ZMAT1: variants seen among roughly 807,000 people sequenced by gnomAD.
ZMAT1 encodes the protein zinc finger matrin-type protein 1.
A neutral mutation model predicts 18.5 loss-of-function variants in ZMAT1; 11 were observed. The ratio of observed to expected loss-of-function variants is 0.59; its 90% CI spans 0.37 to 0.98. ZMAT1 has a LOEUF of 0.98. Among genes scored for constraint, ZMAT1 ranks in the 50% least tolerant of loss-of-function variants. ZMAT1 has a pLI of 0.01. For missense variants in ZMAT1, 525 were observed against 496.2 expected (o/e 1.06, Z -0.55); for synonymous variants, 211 against 176.4 (o/e 1.20, Z -1.55).
At chrX:101,906,593 C>A (rs866830924) in intron 1 of ZMAT1, among the ~76,000 whole-genome samples, 2 of 112,218 alleles carry the variant, frequency 1.8e-5, no homozygotes, top group Non-Finnish European at 3.8e-5. Context: ...CCCACCCAGG[C>A]CAGTTCCAGT....
rs763838173 is a variant in ZMAT1, at chrX:101,929,433, A to ATTCTATATATATAGAT, written c.292+2283_292+2284insATCTATATATATAGAA. ...ATATATAGAGAGAGATTATATATAT[A>ATTCTATATATATAGAT]TATATATATATATATATATATATAC... On this transcript the variant is annotated intron_variant, in intron 1 of 5. Coordinates refer to ENST00000651725, the MANE Select transcript of ZMAT1 (RefSeq NM_001394560.1). Among the ~76,000 whole-genome samples the ATTCTATATATATAGAT allele has an allele frequency of 8.3e-3, 490 of 59,267 alleles. 5 individuals are homozygous for ATTCTATATATATAGAT. Among genetic ancestry groups the ATTCTATATATATAGAT allele is most frequent in the Non-Finnish European group, 0.011 (419 of 38,212 alleles). 51.5% of individuals were successfully genotyped at this position (59,267 alleles called of 115,157 possible).
At position 101,886,711 on chromosome X, in the gene ZMAT1, C is replaced by A. The variant is rs747988870; in HGVS notation, c.697G>T (p.Val233Phe). Residue 233 changes from valine (V) to phenylalanine (F), a missense_variant, in exon 5 of 6, where the codon GTT becomes TTT. Val to Phe is a conservative substitution (Grantham distance 50). Coordinates refer to ENST00000651725, the MANE Select transcript of ZMAT1 (RefSeq NM_001394560.1). Reference sequence around the variant, plus strand: ...AAAGCAATACTACAAATATGGCAAACATAGGTTCTCATACTAAATGCTGAA... The same window carrying A: ...AAAGCAATACTACAAATATGGCAAAAATAGGTTCTCATACTAAATGCTGAA... Reference protein sequence around the residue: ...PEMAFSMRTYVCHICSIAFTS... With the variant: ...PEMAFSMRTYFCHICSIAFTS... 3 of 1,189,692 alleles carry A rather than the reference C, an allele frequency of 2.5e-6. No homozygotes were observed. In the African/African-American group the frequency reaches 5.3e-5, roughly 21 times the overall value.
At position 101,886,662 on chromosome X, in the gene ZMAT1, G is replaced by A; in HGVS notation, c.746C>T (p.Ser249Phe). 8.3e-7 allele frequency: 1 copy of A among 1,206,048 alleles called. No homozygotes were observed. The highest frequency in any genetic ancestry group is 1.7e-5 in the African/African-American group (1 of 57,473). The change falls in exon 5 of 6, where the codon TCC becomes TTC. Residue 249 changes from serine (S) to phenylalanine (F), a missense_variant. Ser to Phe is a radical substitution (Grantham distance 155, BLOSUM62 -2). Transcript: ENST00000651725. ...TTGATGTTCACTTCCTTGCATGTGG[G>A]ACCGGAACATATCTAAAGATGTAAA... The part of the protein sequence containing the change: ...IAFTSLDMFR[S>F]HMQGSEHQIK...
At chrX:101,901,093 G>C (rs952602210) in intron 2 of ZMAT1, among the ~76,000 whole-genome samples, 17 of 110,963 alleles carry the variant, frequency 1.5e-4, no homozygotes, top group Admixed American at 1.4e-3. Context: ...TTGGGTTCTT[G>C]ATTTGATTCT....
rs376166525 is a variant in ZMAT1, at chrX:101,895,365, T to A, written c.676+2503A>T. ...TAACATGAAACCATGAGAATTCCTATGTTTGATTCTAAAATTAAGAGGGGT... is the reference window on the plus strand; with the variant it reads ...TAACATGAAACCATGAGAATTCCTAAGTTTGATTCTAAAATTAAGAGGGGT... On this transcript the variant is annotated intron_variant, in intron 4 of 5. Coordinates refer to ENST00000651725, the MANE Select transcript of ZMAT1 (RefSeq NM_001394560.1). Among the ~76,000 whole-genome samples, 29 of 111,114 alleles carry A rather than the reference T, an allele frequency of 2.6e-4. 3 individuals carry two copies. The highest frequency in any genetic ancestry group is 2.0e-3 in the East Asian group (7 of 3,503).
intron 1 of ZMAT1, among the ~76,000 whole-genome samples, chrX:101,919,578 C>A (rs994060450): frequency 9.0e-6 from 1 of 111,222 alleles, no homozygotes; most frequent in Non-Finnish European, 1.9e-5. Flanking sequence ...GAGATGTGTA[C>A]CGAAAGAACT....
At chrX:101,923,740 A>G (rs1048517674) in intron 1 of ZMAT1, among the ~76,000 whole-genome samples, 3 of 112,069 alleles carry the variant, frequency 2.7e-5, no homozygotes, top group African/African-American at 9.7e-5. Context: ...CAAAATTAGT[A>G]TTTTGGTTAT....
intron 4 of ZMAT1, chrX:101,888,118 A>G (rs1927096126): frequency 8.9e-6 from 1 of 111,748 alleles, no homozygotes; most frequent in South Asian, 3.7e-4. Context: ...CTATGATCAC[A>G]AATATGGCAA....
chrX:101,908,885 T>C (rs1928776082), intron 1 of ZMAT1, among the ~76,000 whole-genome samples: 1 of 110,602 alleles, frequency 9.0e-6, no homozygotes, highest in Non-Finnish European at 1.9e-5. Context: ...CCAGAGACAG[T>C]GGACTGGGGT....
At position 101,925,667 on chromosome X, in the gene ZMAT1, G is replaced by A. The variant is rs961018815; in HGVS notation, c.292+6050C>T. On this transcript the variant is annotated intron_variant, in intron 1 of 5. Transcript: ENST00000651725. ...ATAATTTTTAAAATGTTCAACACATGTAGGCACTTGATAAAGTATGCTTGT... is the reference window on the plus strand; with the variant it reads ...ATAATTTTTAAAATGTTCAACACATATAGGCACTTGATAAAGTATGCTTGT... 3.5e-5 allele frequency among the ~76,000 whole-genome samples: 4 copies of A among 112,751 alleles called. No homozygotes were observed. The Admixed American group carries it at 3.8e-4, about 11-fold the overall frequency.
At chrX:101,918,019 T>G (rs1409489365) in intron 1 of ZMAT1, among the ~76,000 whole-genome samples, 1 of 111,656 alleles carries the variant, frequency 9.0e-6, no homozygotes. Flanking sequence ...ATTAGAAGGA[T>G]AGTTACCAGA....
chrX:101,929,462 C>CACAG (rs1383083167), intron 1 of ZMAT1, among the ~76,000 whole-genome samples: 1 of 66,400 alleles, frequency 1.5e-5, no homozygotes, highest in East Asian at 4.2e-4. Context: ...TATATACACA[C>CACAG]AGAGAGAGAG....
intron 1 of ZMAT1, among the ~76,000 whole-genome samples, chrX:101,908,775 C>A (rs1236480625): frequency 9.0e-6 from 1 of 111,626 alleles, no homozygotes; most frequent in African/African-American, 3.3e-5. Flanking sequence ...CAAACCTTAC[C>A]TCTGAGGGCC....
At chrX:101,897,544 T>TAA (rs776116456) in intron 4 of ZMAT1, among the ~76,000 whole-genome samples, 2 of 78,905 alleles carry the variant, frequency 2.5e-5, no homozygotes, top group African/African-American at 4.6e-5. Flanking sequence ...AGTGTCTATC[T>TAA]AAAAAAAAAA....
intron 1 of ZMAT1, among the ~76,000 whole-genome samples, chrX:101,907,566 C>T (rs955519119): frequency 4.5e-5 from 5 of 112,262 alleles, no homozygotes; most frequent in Admixed American, 9.4e-5. Flanking sequence ...ACCACAAGAA[C>T]ACAGTTTCTT....
chrX:101,893,243 G>A (rs771936054), intron 4 of ZMAT1, among the ~76,000 whole-genome samples: 3 of 111,535 alleles, frequency 2.7e-5, no homozygotes, highest in African/African-American at 9.7e-5. Flanking sequence ...TGACAGGAGT[G>A]CACACACTTC....
intron 1 of ZMAT1, among the ~76,000 whole-genome samples, chrX:101,917,413 A>T (rs1259125571): frequency 8.9e-6 from 1 of 112,706 alleles, no homozygotes; most frequent in Non-Finnish European, 1.9e-5. Context: ...AAGACATACA[A>T]ATGGCAAACA....
chrX:101,886,647 C>G lies in ZMAT1; in HGVS notation c.761G>C (p.Ser254Thr). 6 of 1,202,979 alleles carry G rather than the reference C, an allele frequency of 5.0e-6. No individual in the cohort carries two copies. The highest frequency in any genetic ancestry group is 6.7e-6 in the Non-Finnish European group (6 of 890,964). The change falls in exon 5 of 6, where the codon AGT becomes ACT. Residue 254 changes from serine (S) to threonine (T), a missense_variant. Coordinates refer to ENST00000651725, the MANE Select transcript of ZMAT1 (RefSeq NM_001394560.1). Reference protein sequence around the residue: ...LDMFRSHMQGSEHQIKESIVI... With the variant: ...LDMFRSHMQGTEHQIKESIVI... ...AAATACTTACTTAATTTGATGTTCACTTCCTTGCATGTGGGACCGGAACAT... is the reference window on the plus strand; with the variant it reads ...AAATACTTACTTAATTTGATGTTCAGTTCCTTGCATGTGGGACCGGAACAT...
intron 4 of ZMAT1, among the ~76,000 whole-genome samples, chrX:101,895,169 T>TA (rs945612020): frequency 3.6e-5 from 4 of 111,960 alleles, no homozygotes; most frequent in African/African-American, 1.3e-4. Flanking sequence ...GTATTATTAT[T>TA]AACCTAACTA....
Sources: allele counts gnomAD v4.1 joint callset (sites outside exome capture counted in the v4.1 genomes callset), GRCh38; gene constraint gnomAD v4.1.1; transcripts MANE v1.5; gene names NCBI Gene and HGNC (gene_info 2026-07-23, HGNC 2026-07-21).